The following TEX29 variants were observed in gnomAD, a reference collection of about 807,000 sequenced individuals.
TEX29 encodes the protein testis-expressed protein 29.
A neutral mutation model predicts 18.2 loss-of-function variants in TEX29; 26 were observed. The ratio of observed to expected loss-of-function variants is 1.43; its 90% CI spans 1.04 to 1.98. The LOEUF is 1.98. TEX29 is among the 30% of genes most tolerant of loss of function. The pLI is 0.00. For missense variants in TEX29, 177 were observed against 194.2 expected (o/e 0.91, Z 0.53); for synonymous variants, 83 against 78.5 (o/e 1.06, Z -0.31).
chr13:111,334,483 T>C (rs577622183), intron 3 of TEX29, among the ~76,000 whole-genome samples: 1 of 152,380 alleles, frequency 6.6e-6, no homozygotes, highest in East Asian at 1.9e-4. Flanking sequence ...TTCCTGCTTA[T>C]GCAGATCCTT....
intron 3 of TEX29, among the ~76,000 whole-genome samples, chr13:111,330,314 T>C (rs1176468092): frequency 1.4e-4 from 22 of 152,316 alleles, no homozygotes; most frequent in Non-Finnish European, 1.0e-4. Flanking sequence ...GTGTCTGTCC[T>C]GCTTCGTGGT....
At chr13:111,321,115 G>T (rs114774846) in intron 2 of TEX29, among the ~76,000 whole-genome samples, 167 bp downstream of exon 2, 2 of 152,144 alleles carry the variant, frequency 1.3e-5, no homozygotes, top group East Asian at 1.9e-4. Context: ...CTGGGAAAAC[G>T]CTGTGAAGAC....
chr13:111,339,828 G>GGAT, intron 3 of TEX29, 35 bp from the exon 4 acceptor site: 1 of 1,606,134 alleles, frequency 6.2e-7, no homozygotes, highest in South Asian at 1.1e-5. Flanking sequence ...CTATTTACCT[G>GGAT]GATCGAAATG....
At chr13:111,316,693 G>A (rs780637082), upstream of TEX29, among the ~76,000 whole-genome samples, 11 of 152,276 alleles carry the variant, frequency 7.2e-5, no homozygotes, top group South Asian at 4.1e-4. Context: ...TCCAAATACC[G>A]GATGCACATT....
At chr13:111,329,999 G>A (rs891478617) in intron 3 of TEX29, among the ~76,000 whole-genome samples, 3 of 152,162 alleles carry the variant, frequency 2.0e-5, no homozygotes, top group African/African-American at 7.2e-5. Flanking sequence ...TAGGGGGCGC[G>A]TGGTGAGAAA....
intron 3 of TEX29, among the ~76,000 whole-genome samples, chr13:111,336,250 C>G (rs2093689509): frequency 2.0e-5 from 3 of 152,240 alleles, no homozygotes; most frequent in African/African-American, 4.8e-5. Context: ...GTAGGAAGAG[C>G]CTGGGCAGTG....
In TEX29 at chr13:111,333,762, C is replaced by CATG. The variant is rs1567162540; in HGVS notation, c.169+5469_169+5470insATG. The stretch of plus-strand genomic sequence containing the variant: ...CAAAGGTGAAGCAAGACATGTCTTA[C>CATG]GTGGCAGCAAGGTTGTGGGAAGGGA... On this transcript the variant is annotated intron_variant, in intron 3 of 5. Coordinates refer to ENST00000283547, the MANE Select transcript of TEX29 (RefSeq NM_152324.3). Among the ~76,000 whole-genome samples, 557 of 151,464 alleles carry CATG rather than the reference C, an allele frequency of 3.7e-3. 8 individuals are homozygous for CATG. The highest frequency in any genetic ancestry group is 0.012 in the African/African-American group (495 of 40,800).
intron 3 of TEX29, among the ~76,000 whole-genome samples, chr13:111,333,066 C>A (rs998343671): frequency 4.6e-5 from 7 of 152,178 alleles, no homozygotes; most frequent in Non-Finnish European, 1.0e-4. Context: ...TCATTGCCTT[C>A]TGGCCTGCAT....
intron 5 of TEX29, 92 bp from the exon 6 acceptor site, chr13:111,343,991 C>G: frequency 9.6e-7 from 1 of 1,045,538 alleles, no homozygotes; most frequent in East Asian, 2.4e-5. Flanking sequence ...AATCAGACAC[C>G]ATGTAGATGG....
At chr13:111,321,035 C>T (rs1001337199) in intron 2 of TEX29, 87 bp downstream of exon 2, 27 of 1,440,270 alleles carry the variant, frequency 1.9e-5, no homozygotes, top group South Asian at 7.6e-5. Context: ...GCCCCTGGCG[C>T]GGACAGGGGG....
At chr13:111,319,709 C>T (rs996661187), upstream of TEX29, among the ~76,000 whole-genome samples, 9 of 152,312 alleles carry the variant, frequency 5.9e-5, no homozygotes, top group Non-Finnish European at 1.3e-4. Flanking sequence ...CTCACCGCAA[C>T]CTTGACCTCC....
At chr13:111,331,040 T>G (rs2093681957) in intron 3 of TEX29, among the ~76,000 whole-genome samples, 1 of 152,240 alleles carries the variant, frequency 6.6e-6, no homozygotes, top group Non-Finnish European at 1.5e-5. Flanking sequence ...GCAAACATGT[T>G]TTTTATTCTC....
chr13:111,342,707 T>G, intron 4 of TEX29, 49 bp from the exon 5 acceptor site: 1 of 1,581,942 alleles, frequency 6.3e-7, no homozygotes, highest in South Asian at 1.1e-5. Flanking sequence ...AACTGGAGAG[T>G]TTTCCATCTG....
chr13:111,321,035 C>G (rs1001337199), intron 2 of TEX29, 87 bp downstream of exon 2: 2 of 1,440,276 alleles, frequency 1.4e-6, no homozygotes, highest in Non-Finnish European at 1.9e-6. Context: ...GCCCCTGGCG[C>G]GGACAGGGGG....
chr13:111,320,988 G>GGGGGGGGGGGGGGGC, intron 2 of TEX29, 40 bp downstream of exon 2: 1 of 431,436 alleles, frequency 2.3e-6, no homozygotes, highest in Non-Finnish European at 4.3e-6. Flanking sequence ...TGGGGTGGGG[G>GGGGGGGGGGGGGGGC]AGCAGTTGGG....
At chr13:111,323,004 G>A (rs1286129616) in intron 2 of TEX29, among the ~76,000 whole-genome samples, 3 of 152,330 alleles carry the variant, frequency 2.0e-5, no homozygotes, top group South Asian at 4.1e-4. Context: ...CAGCCTAGAG[G>A]AATTCCTCCT....
Position 111,320,972 on chromosome 13 carries a change from GGCGGGTGGGGTGGGGGAGCAGTT to G in TEX29, c.58+26_58+48del, listed in dbSNP as rs1567156884. 2.6e-6 allele frequency: 4 copies of G among 1,536,082 alleles called. No individual in the cohort carries two copies. In the Admixed American group the frequency reaches 5.3e-5, roughly 20 times the overall value. ...AGGTATGGAGGGAAGGCGCCAGGGG[GGCGGGTGGGGTGGGGGAGCAGTT>G]GGGGGGGGGCACAGGGAGGAGCTGT... On this transcript the variant is annotated intron_variant, in intron 2 of 5. Coordinates refer to ENST00000283547, the MANE Select transcript of TEX29 (RefSeq NM_152324.3).
chr13:111,332,883 C>T (rs2093684613), intron 3 of TEX29, among the ~76,000 whole-genome samples: 1 of 152,124 alleles, frequency 6.6e-6, no homozygotes, highest in Admixed American at 6.5e-5. Context: ...TCTTTCATTT[C>T]ATCCTAAGAG....
chr13:111,329,611 G>A (rs975741658), intron 3 of TEX29, among the ~76,000 whole-genome samples: 6 of 151,922 alleles, frequency 3.9e-5, no homozygotes, highest in Non-Finnish European at 4.4e-5. Context: ...GCTGCTCACC[G>A]CTTGCAAAGC....
Sources: gnomAD v4.1 joint callset for allele counts (sites outside exome capture counted in the v4.1 genomes callset) on GRCh38, gnomAD v4.1.1 for gene constraint, MANE v1.5 for transcripts, NCBI Gene and HGNC (gene_info 2026-07-23, HGNC 2026-07-21) for gene names.